Variants in SPATA18 observed in about 807,000 individuals in gnomAD.
SPATA18 encodes mitochondria-eating protein.
Under a neutral mutation model 68.1 loss-of-function variants are expected in SPATA18, and 54 were observed. That is an observed-to-expected ratio of 0.79 (90% confidence interval 0.64 to 0.99). The LOEUF (loss-of-function observed/expected upper bound fraction) is 0.99, where lower values mean the gene tolerates loss of function less well. SPATA18 is among the 50% of genes least tolerant of loss of function. SPATA18 has a pLI of 0.00. For synonymous variants in SPATA18, 242 were observed against 244.8 expected, an observed-to-expected ratio of 0.99 and a Z score of 0.11; for missense variants, 724 against 681.1, an observed-to-expected ratio of 1.06 and a Z score of -0.70.
rs879299547 is a variant in SPATA18, at chr4:52,070,885, G to T, written c.518+969G>T. ...CCCCCTCCCAAAAGAGTAAGTGGGGGGGGGGGTGTTTTACACACACACACA... is the reference window on the plus strand; with the variant it reads ...CCCCCTCCCAAAAGAGTAAGTGGGGTGGGGGGTGTTTTACACACACACACA... On this transcript the variant is annotated intron_variant, in intron 5 of 12. Coordinates refer to ENST00000295213, the MANE Select transcript of SPATA18 (RefSeq NM_145263.4). Among the ~76,000 whole-genome samples, 4 of 151,794 alleles carry T rather than the reference G, an allele frequency of 2.6e-5. No homozygotes were observed. The East Asian group carries it at 5.8e-4, about 22-fold the overall frequency.
At chr4:52,087,399 G>A (rs1245491813) in intron 11 of SPATA18, among the ~76,000 whole-genome samples, 1 of 152,124 alleles carries the variant, frequency 6.6e-6, no homozygotes, top group African/African-American at 2.4e-5. Flanking sequence ...TATGGTCCTA[G>A]GTCTTACATT....
At chr4:52,058,010 C>A (rs968168919) in intron 1 of SPATA18, among the ~76,000 whole-genome samples, 1 of 152,192 alleles carries the variant, frequency 6.6e-6, no homozygotes, top group East Asian at 1.9e-4. Context: ...CCACTTAGCA[C>A]ATGGAATGAT....
At chr4:52,088,123 T>C (rs1231617395) in intron 11 of SPATA18, among the ~76,000 whole-genome samples, 1 of 152,242 alleles carries the variant, frequency 6.6e-6, no homozygotes, top group African/African-American at 2.4e-5. Flanking sequence ...GTTGATTTTG[T>C]ATCCTGAGAC....
intron 6 of SPATA18, among the ~76,000 whole-genome samples, chr4:52,075,937 A>G (rs575709180): frequency 6.6e-6 from 1 of 152,344 alleles, no homozygotes; most frequent in South Asian, 2.1e-4. Flanking sequence ...GCAATAGTTG[A>G]AGCCTAAAAT....
Position 52,094,590 on chromosome 4 carries a change from AGATG to A in SPATA18, c.1609+22_1609+25del, listed in dbSNP as rs775936926. Reference sequence around the variant, plus strand: ...ATTGCCAAGTAAGTGGGATTAGTTCAGATGGATCAAATTTTCTGCTTTTTAATAC... The same window carrying A: ...ATTGCCAAGTAAGTGGGATTAGTTCAGATCAAATTTTCTGCTTTTTAATAC... On this transcript the variant is annotated intron_variant, in intron 12 of 12. Transcript: ENST00000295213. The A allele has an allele frequency of 1.9e-6, 3 of 1,612,976 alleles. No individual in the cohort carries two copies. In the Admixed American group the frequency reaches 5.0e-5, roughly 27 times the overall value.
intron 11 of SPATA18, among the ~76,000 whole-genome samples, chr4:52,089,644 G>A (rs1312087668): frequency 6.6e-6 from 1 of 152,206 alleles, no homozygotes; most frequent in Non-Finnish European, 1.5e-5. Context: ...TGTGATCTGA[G>A]AGACTGTTTG....
intron 8 of SPATA18, among the ~76,000 whole-genome samples, chr4:52,079,209 G>A (rs4455484): frequency 6.6e-6 from 1 of 152,170 alleles, no homozygotes; most frequent in Admixed American, 6.5e-5. Context: ...ACACTTACTA[G>A]CTGTGTGATC....
intron 3 of SPATA18, 142 bp downstream of exon 3, chr4:52,061,039 G>T: frequency 1.5e-6 from 1 of 686,540 alleles, no homozygotes; most frequent in African/African-American, 1.8e-5. Context: ...GTTTCCATGG[G>T]ACGGTGTTAG....
Position 52,059,016 on chromosome 4 carries a change from G to A in SPATA18, c.88-1403G>A, listed in dbSNP as rs547239843. 2.0e-5 allele frequency among the ~76,000 whole-genome samples: 3 copies of A among 152,290 alleles called. No homozygotes were observed. The South Asian group carries it at 6.2e-4, about 32-fold the overall frequency. ...GAGAGATATAATAAATACAAAGTGA[G>A]TGAATCATCTCATTTATATGCATCC... On this transcript the variant is annotated intron_variant, in intron 1 of 12. Transcript: ENST00000295213.
Position 52,067,701 on chromosome 4 carries a change from T to G in SPATA18, c.423-2120T>G, listed in dbSNP as rs146283379. The stretch of plus-strand genomic sequence containing the variant: ...TCTTCTCTCCTTTAATACTCTTCCA[T>G]GGTGATCTGCTTTTCTCATAATAGC... On this transcript the variant is annotated intron_variant, in intron 4 of 12. Transcript: ENST00000295213. Among the ~76,000 whole-genome samples the G allele has an allele frequency of 1.1e-4, 16 of 152,316 alleles. 1 individual carries two copies. In the South Asian group the frequency reaches 3.1e-3, roughly 30 times the overall value.
At chr4:52,075,076 A>G (rs545558203) in intron 6 of SPATA18, among the ~76,000 whole-genome samples, 1 of 152,160 alleles carries the variant, frequency 6.6e-6, no homozygotes, top group South Asian at 2.1e-4. Context: ...TATGTTGGTG[A>G]GGTTGTGGCT....
chr4:52,082,641 C>T lies in SPATA18; in HGVS notation c.1479+131C>T, dbSNP rs772413290. ...ATAAGATTTCATACAAAGGAGAGGT[C>T]GGAGATGATCTCAAGAAGAACTGAT... On this transcript the variant is annotated intron_variant, in intron 10 of 12. Coordinates refer to ENST00000295213, the MANE Select transcript of SPATA18 (RefSeq NM_145263.4). The T allele has an allele frequency of 2.0e-5, 31 of 1,565,032 alleles. No homozygotes were observed. In the African/African-American group the frequency reaches 3.3e-4, roughly 17 times the overall value.
At chr4:52,066,663 A>AC (rs1200318296) in intron 4 of SPATA18, among the ~76,000 whole-genome samples, 3 of 151,450 alleles carry the variant, frequency 2.0e-5, no homozygotes, top group African/African-American at 7.3e-5. Context: ...CCTTCCCCCA[A>AC]CCCCCAACAG....
chr4:52,067,768 T>G (rs1263017982), intron 4 of SPATA18, among the ~76,000 whole-genome samples: 1 of 152,176 alleles, frequency 6.6e-6, no homozygotes, highest in East Asian at 1.9e-4. Flanking sequence ...AACTGGGAAC[T>G]TAAAAAAATA....
chr4:52,054,300 GA>G (rs954245806), intron 1 of SPATA18, among the ~76,000 whole-genome samples: 7 of 152,178 alleles, frequency 4.6e-5, no homozygotes, highest in Non-Finnish European at 8.8e-5. Flanking sequence ...TTCTCTGCCT[GA>G]AAAACTTTTC....
intron 4 of SPATA18, among the ~76,000 whole-genome samples, chr4:52,064,642 G>A (rs537741059): frequency 1.3e-5 from 2 of 152,158 alleles, no homozygotes; most frequent in Non-Finnish European, 2.9e-5. Flanking sequence ...ATTCCATGGT[G>A]TATATATACC....
intron 6 of SPATA18, among the ~76,000 whole-genome samples, chr4:52,074,476 A>C (rs1278693888): frequency 6.6e-6 from 1 of 152,170 alleles, no homozygotes; most frequent in South Asian, 2.1e-4. Context: ...GTTCAAAACC[A>C]GGGAAGCATA....
intron 3 of SPATA18, among the ~76,000 whole-genome samples, chr4:52,061,941 A>C (rs1313135914): frequency 6.6e-6 from 1 of 152,204 alleles, no homozygotes; most frequent in Non-Finnish European, 1.5e-5. Context: ...TGAAATCCAT[A>C]GATTGCTATT....
intron 1 of SPATA18, among the ~76,000 whole-genome samples, chr4:52,053,362 A>G (rs1738063658): frequency 6.6e-6 from 1 of 152,122 alleles, no homozygotes; most frequent in South Asian, 2.1e-4. Flanking sequence ...ACTCACAGCC[A>G]CCAGTGTTTT....
Sources: gnomAD v4.1 joint callset for allele counts (sites outside exome capture counted in the v4.1 genomes callset) on GRCh38, gnomAD v4.1.1 for gene constraint, MANE v1.5 for transcripts, NCBI Gene and HGNC (gene_info 2026-07-23, HGNC 2026-07-21) for gene names.